UNC79: variants seen among roughly 807,000 people sequenced by gnomAD.
UNC79 encodes protein unc-79 homolog.
Under a neutral mutation model 283.1 loss-of-function variants are expected in UNC79, and 37 were observed. The ratio of observed to expected loss-of-function variants is 0.13; its 90% CI spans 0.10 to 0.17. UNC79 has a LOEUF of 0.17. Among genes scored for constraint, UNC79 ranks in the 10% least tolerant of loss-of-function variants. The pLI, the probability that UNC79 is intolerant of heterozygous loss-of-function variation, is 1.00. For missense variants in UNC79, 2,272 were observed against 3,211.1 expected (o/e 0.71, Z 7.07); for synonymous variants, 1,107 against 1,200.2 (o/e 0.92, Z 1.61).
chr14:93,366,418 G>C (rs2054335147), intron 1 of UNC79, among the ~76,000 whole-genome samples: 1 of 152,170 alleles, frequency 6.6e-6, no homozygotes, highest in African/African-American at 2.4e-5. Flanking sequence ...TGTCCAGCCA[G>C]AGCAGGGTCC....
chr14:93,584,082 C>T (rs948180276), intron 20 of UNC79, among the ~76,000 whole-genome samples: 1 of 152,152 alleles, frequency 6.6e-6, no homozygotes. Context: ...GCTAGGATTA[C>T]AGCATGAGCC....
intron 27 of UNC79, among the ~76,000 whole-genome samples, chr14:93,615,198 A>G (rs973725603): frequency 6.6e-6 from 1 of 152,202 alleles, no homozygotes; most frequent in Non-Finnish European, 1.5e-5. Context: ...GTCTCATGGT[A>G]GGAACTCAAT....
intron 1 of UNC79, among the ~76,000 whole-genome samples, chr14:93,345,558 T>A (rs1374918527): frequency 6.6e-6 from 1 of 152,160 alleles, no homozygotes; most frequent in East Asian, 1.9e-4. Context: ...AAATAGTATG[T>A]TTTAAAACTA....
chr14:93,333,287 C>T (rs1282058357), exon 1 of UNC79: 1 of 356,250 alleles, frequency 2.8e-6, no homozygotes, highest in African/African-American at 2.2e-5. Flanking sequence ...CAGCATCCTG[C>T]TTAGTCCAGC....
intron 6 of UNC79, among the ~76,000 whole-genome samples, chr14:93,496,895 A>G (rs955115840): frequency 3.3e-5 from 5 of 152,216 alleles, no homozygotes; most frequent in Admixed American, 2.0e-4. Context: ...CAATCTGATT[A>G]GAGATCAATT....
intron 14 of UNC79, among the ~76,000 whole-genome samples, chr14:93,561,942 G>A (rs1036987090): frequency 6.6e-6 from 1 of 152,182 alleles, no homozygotes; most frequent in Non-Finnish European, 1.5e-5. Flanking sequence ...CCAAGTAGTG[G>A]GGGTGACTGC....
intron 1 of UNC79, among the ~76,000 whole-genome samples, chr14:93,336,980 T>C (rs2053591547): frequency 6.6e-6 from 1 of 152,056 alleles, no homozygotes; most frequent in Non-Finnish European, 1.5e-5. Context: ...GGCAGACAGG[T>C]TCCTAGGTGG....
chr14:93,628,513 A>G (rs1166783597), intron 30 of UNC79, among the ~76,000 whole-genome samples: 1 of 152,158 alleles, frequency 6.6e-6, no homozygotes, highest in Non-Finnish European at 1.5e-5. Flanking sequence ...CTTCCAACAT[A>G]CAATAATTTA....
At chr14:93,551,751 GCTC>G (rs2061912894) in intron 14 of UNC79, among the ~76,000 whole-genome samples, 2 of 152,210 alleles carry the variant, frequency 1.3e-5, no homozygotes, top group Non-Finnish European at 2.9e-5. Flanking sequence ...ATGAAAGAAT[GCTC>G]TAGTGGGTGT....
At chr14:93,434,735 A>G (rs2056017246) in intron 1 of UNC79, among the ~76,000 whole-genome samples, 1 of 152,174 alleles carries the variant, frequency 6.6e-6, no homozygotes, top group Non-Finnish European at 1.5e-5. Flanking sequence ...TAAAATGGGG[A>G]TAGTTATAGT....
At position 93,678,314 on chromosome 14, in the gene UNC79, G is replaced by A. The variant is rs74571452; in HGVS notation, c.6742-4303G>A. On this transcript the variant is annotated intron_variant, in intron 41 of 48. Transcript: ENST00000555664. The stretch of plus-strand genomic sequence containing the variant: ...GTAACCAGAAGGAAAAACTCCCTAG[G>A]TGATCCATCACGAATGACACTGGTC... 1.6e-3 allele frequency among the ~76,000 whole-genome samples: 237 copies of A among 152,324 alleles called. 2 individuals carry two copies. Among genetic ancestry groups the A allele is most frequent in the Non-Finnish European group, 2.5e-3 (169 of 68,026 alleles).
intron 47 of UNC79, among the ~76,000 whole-genome samples, chr14:93,703,434 C>T (rs941786595): frequency 6.6e-6 from 1 of 152,070 alleles, no homozygotes. Flanking sequence ...CTTGTAGGTC[C>T]CTGTCTTCAT....
intron 25 of UNC79, among the ~76,000 whole-genome samples, chr14:93,602,906 G>T (rs1400411351): frequency 6.6e-6 from 1 of 152,156 alleles, no homozygotes; most frequent in African/African-American, 2.4e-5. Context: ...CTCCCAAAGT[G>T]CTAGGATTAC....
At chr14:93,565,290 T>C (rs2062808530) in intron 14 of UNC79, among the ~76,000 whole-genome samples, 2 of 152,192 alleles carry the variant, frequency 1.3e-5, no homozygotes, top group South Asian at 4.1e-4. Context: ...TTGCTGCATT[T>C]TGTTGCAGCC....
At chr14:93,355,033 CT>C (rs775942790) in intron 1 of UNC79, among the ~76,000 whole-genome samples, 405 of 140,058 alleles carry the variant, frequency 2.9e-3, no homozygotes, top group Admixed American at 3.4e-3. Flanking sequence ...ATTTTACAGC[CT>C]TTTTTTTTTT....
At chr14:93,630,278 A>G (rs2067917907) in intron 30 of UNC79, among the ~76,000 whole-genome samples, 1 of 152,224 alleles carries the variant, frequency 6.6e-6, no homozygotes, top group Admixed American at 6.5e-5. Context: ...GTTAAAGACA[A>G]GGTGCTCTGT....
chr14:93,336,078 C>G (rs777017791), intron 1 of UNC79, among the ~76,000 whole-genome samples: 2 of 152,132 alleles, frequency 1.3e-5, no homozygotes, highest in Admixed American at 6.5e-5. Flanking sequence ...CTTTGTACCC[C>G]CCTTTTTTAC....
chr14:93,475,648 C>A (rs2057757489), intron 3 of UNC79, among the ~76,000 whole-genome samples: 1 of 152,196 alleles, frequency 6.6e-6, no homozygotes, highest in Non-Finnish European at 1.5e-5. Context: ...GCTTACTATG[C>A]TGATGAGCTT....
At chr14:93,426,152 A>G (rs1442158508), upstream of UNC79, among the ~76,000 whole-genome samples, 1 of 151,246 alleles carries the variant, frequency 6.6e-6, no homozygotes. Context: ...TTAGTTTATT[A>G]TCTTCTGATA....
Sources: allele counts gnomAD v4.1 joint callset (sites outside exome capture counted in the v4.1 genomes callset), GRCh38; gene constraint gnomAD v4.1.1; transcripts MANE v1.5; gene names NCBI Gene and HGNC (gene_info 2026-07-23, HGNC 2026-07-21).